NKAIN3: variants seen among roughly 807,000 people sequenced by gnomAD.
NKAIN3 encodes sodium/potassium transporting ATPase interacting 3.
Under a neutral mutation model 30.2 loss-of-function variants are expected in NKAIN3, and 25 were observed. That is an observed-to-expected ratio of 0.83 (90% CI 0.60 to 1.16). The LOEUF (loss-of-function observed/expected upper bound fraction) is 1.16, where lower values mean the gene tolerates loss of function less well. Ranked by LOEUF, NKAIN3 falls within the 50% of genes most tolerant of loss-of-function variation. The pLI, the probability that NKAIN3 is intolerant of heterozygous loss-of-function variation, is 0.00. For missense variants in NKAIN3, 225 were observed against 254.1 expected, an observed-to-expected ratio of 0.89 and a Z score of 0.78; for synonymous variants, 91 against 89.6, an observed-to-expected ratio of 1.02 and a Z score of -0.09.
At chr8:62,367,702 C>T (rs944076890) in intron 1 of NKAIN3, among the ~76,000 whole-genome samples, 7 of 152,080 alleles carry the variant, frequency 4.6e-5, no homozygotes, top group Non-Finnish European at 1.0e-4. Context: ...CCACTCTCAA[C>T]ACTACTATTC....
chr8:62,340,245 GC>G (rs1475501173), intron 1 of NKAIN3, among the ~76,000 whole-genome samples: 2 of 152,022 alleles, frequency 1.3e-5, no homozygotes, highest in South Asian at 4.1e-4. Context: ...GGGGAAGGCA[GC>G]CAGGACTATT....
chr8:62,581,767 T>C (rs1247464223), intron 2 of NKAIN3, among the ~76,000 whole-genome samples: 2 of 137,338 alleles, frequency 1.5e-5, no homozygotes, highest in East Asian at 2.3e-4. Context: ...TTTCCTTCCT[T>C]CCTCCCTCCC....
chr8:62,792,689 T>C (rs1369710738), intron 4 of NKAIN3, among the ~76,000 whole-genome samples: 3 of 152,118 alleles, frequency 2.0e-5, no homozygotes, highest in Non-Finnish European at 4.4e-5. Flanking sequence ...GGAAGGGATC[T>C]GGTGAAATGT....
intron 1 of NKAIN3, among the ~76,000 whole-genome samples, chr8:62,408,597 C>T (rs1409748942): frequency 6.6e-6 from 1 of 151,990 alleles, no homozygotes; most frequent in Non-Finnish European, 1.5e-5. Flanking sequence ...TTTTTTCTCA[C>T]TTAGTGGTTT....
chr8:62,556,942 T>A (rs1352204676), intron 1 of NKAIN3, among the ~76,000 whole-genome samples: 2 of 151,700 alleles, frequency 1.3e-5, no homozygotes, highest in African/African-American at 4.8e-5. Flanking sequence ...TACTTTTAAA[T>A]TTTTTTTTAT....
chr8:62,705,997 T>A (rs981341641), intron 3 of NKAIN3, among the ~76,000 whole-genome samples: 1 of 152,182 alleles, frequency 6.6e-6, no homozygotes, highest in African/African-American at 2.4e-5. Context: ...GATAAACACA[T>A]GATGGGACTT....
intron 1 of NKAIN3, among the ~76,000 whole-genome samples, chr8:62,429,694 T>C (rs1398636344): frequency 1.3e-5 from 2 of 151,906 alleles, no homozygotes; most frequent in Non-Finnish European, 2.9e-5. Flanking sequence ...TTTTGTCTAA[T>C]AGTGCACCAC....
intron 1 of NKAIN3, among the ~76,000 whole-genome samples, chr8:62,318,371 T>G (rs1814735635): frequency 6.6e-6 from 1 of 152,210 alleles, no homozygotes; most frequent in Admixed American, 6.5e-5. Context: ...CCCTGTCTTG[T>G]GCCAGCTTTC....
chr8:62,429,754 A>G (rs1804935692), intron 1 of NKAIN3, among the ~76,000 whole-genome samples: 1 of 151,904 alleles, frequency 6.6e-6, no homozygotes, highest in African/African-American at 2.4e-5. Flanking sequence ...TACTACATCT[A>G]GGATACTCCA....
Position 62,356,427 on chromosome 8 carries a change from T to C in NKAIN3, c.54+107300T>C, listed in dbSNP as rs144040995. Among the ~76,000 whole-genome samples, 7 of 152,320 alleles carry C rather than the reference T, an allele frequency of 4.6e-5. No homozygotes were observed. The East Asian group carries it at 1.2e-3, about 25-fold the overall frequency. ...TAACTTACATTTGTTTATGTATTTGTTTATGATGTTCCTCCCCTGTCATTC... is the reference window on the plus strand; with the variant it reads ...TAACTTACATTTGTTTATGTATTTGCTTATGATGTTCCTCCCCTGTCATTC... On this transcript the variant is annotated intron_variant, in intron 1 of 6. Transcript: ENST00000623646.
chr8:62,729,035 A>AAAAAAAAAAAAAC (rs1344781585), intron 3 of NKAIN3, among the ~76,000 whole-genome samples: 15 of 110,234 alleles, frequency 1.4e-4, no homozygotes, highest in African/African-American at 6.3e-4. Context: ...AAAAAAAAAA[A>AAAAAAAAAAAAAC]AAAACAAAAA....
At chr8:62,368,146 C>G (rs181861829) in intron 1 of NKAIN3, among the ~76,000 whole-genome samples, 237 of 152,126 alleles carry the variant, frequency 1.6e-3, no homozygotes, top group Middle Eastern at 6.8e-3. Context: ...CATACTCCCC[C>G]CAAGGAGATC....
chr8:62,738,094 G>A (rs572802659), intron 3 of NKAIN3, among the ~76,000 whole-genome samples: 117 of 152,244 alleles, frequency 7.7e-4, no homozygotes, highest in African/African-American at 2.7e-3. Context: ...TCGCCACACT[G>A]TCTTCCACAA....
chr8:62,466,511 G>A (rs1276338051), intron 1 of NKAIN3, among the ~76,000 whole-genome samples: 3 of 152,164 alleles, frequency 2.0e-5, no homozygotes, highest in Non-Finnish European at 4.4e-5. Context: ...CAATGACAAA[G>A]TCTTAACCAG....
chr8:62,471,817 C>T (rs541377641), intron 1 of NKAIN3, among the ~76,000 whole-genome samples: 2 of 152,102 alleles, frequency 1.3e-5, no homozygotes, highest in South Asian at 4.2e-4. Context: ...TGTGCTGGAG[C>T]GTGCCTGTAG....
chr8:62,960,866 C>G (rs1251601373), intron 6 of NKAIN3, among the ~76,000 whole-genome samples: 2 of 151,994 alleles, frequency 1.3e-5, no homozygotes, highest in Non-Finnish European at 2.9e-5. Flanking sequence ...ACTAACATAT[C>G]TACAAACGTC....
chr8:62,754,905 A>T (rs1252419588), intron 4 of NKAIN3, among the ~76,000 whole-genome samples: 2 of 152,238 alleles, frequency 1.3e-5, no homozygotes, highest in Non-Finnish European at 2.9e-5. Context: ...AGAGTGCAAG[A>T]ATGTAAGTCA....
intron 3 of NKAIN3, among the ~76,000 whole-genome samples, chr8:62,660,857 A>G (rs1812923099): frequency 6.6e-6 from 1 of 152,208 alleles, no homozygotes; most frequent in Non-Finnish European, 1.5e-5. Context: ...GCAGCTGCCA[A>G]GCTGCAACTC....
Position 62,620,463 on chromosome 8 carries a change from C to T in NKAIN3, c.273+30669C>T, listed in dbSNP as rs532231268. On this transcript the variant is annotated intron_variant, in intron 3 of 6. Coordinates refer to ENST00000623646, the MANE Select transcript of NKAIN3 (RefSeq NM_001304533.3). ...TATTTGGGGGTAGTGTGTCCTGAAC[C>T]TCATCAGTACAGAAGTATATTAGCA... Among the ~76,000 whole-genome samples, 4 of 152,186 alleles carry T rather than the reference C, an allele frequency of 2.6e-5. No homozygotes were observed. The South Asian group carries it at 6.2e-4, about 24-fold the overall frequency.
Sources: allele counts gnomAD v4.1 joint callset (sites outside exome capture counted in the v4.1 genomes callset), GRCh38; gene constraint gnomAD v4.1.1; transcripts MANE v1.5; gene names NCBI Gene and HGNC (gene_info 2026-07-23, HGNC 2026-07-21).